The following ATP2B2 variants were observed in gnomAD, a reference collection of about 807,000 sequenced individuals.
ATP2B2 encodes plasma membrane calcium-transporting ATPase 2.
A neutral mutation model predicts 120.0 loss-of-function variants in ATP2B2; 15 were observed. The ratio of observed to expected loss-of-function variants is 0.12; its 90% CI spans 0.08 to 0.19. ATP2B2 has a LOEUF of 0.19. Ranked by LOEUF, ATP2B2 falls within the 10% of genes least tolerant of loss-of-function variation. The probability of loss-of-function intolerance (pLI) is 1.00; values close to 1 mark genes in which losing one functional copy is unlikely to be tolerated. For synonymous variants in ATP2B2, 694 were observed against 700.3 expected (o/e 0.99, Z 0.14); for missense variants, 1,045 against 1,719.8 (o/e 0.61, Z 6.94).
intron 1 of ATP2B2, among the ~76,000 whole-genome samples, chr3:10,454,038 T>C (rs12491986): frequency 0.24 from 36,493 of 149,330 alleles, 5,811 homozygotes; most frequent in Non-Finnish European, 0.35. Context: ...CATCTACCCA[T>C]CCACTCATCC....
intron 2 of ATP2B2, among the ~76,000 whole-genome samples, chr3:10,596,999 GCACACAGGCACACA>G (rs1445282844): frequency 7.0e-6 from 1 of 143,368 alleles, no homozygotes; most frequent in Non-Finnish European, 1.5e-5. Flanking sequence ...AGGTGCACAC[GCACACAGGCACACA>G]CGCACACAGG....
intron 2 of ATP2B2, chr3:10,566,324 G>C (rs1293186010): frequency 6.6e-6 from 1 of 152,206 alleles, no homozygotes; most frequent in Non-Finnish European, 1.5e-5. Context: ...ATTCAGTACA[G>C]GGCCTTTGTT....
chr3:10,406,616 T>C (rs1162600506), intron 3 of ATP2B2, among the ~76,000 whole-genome samples: 1 of 152,214 alleles, frequency 6.6e-6, no homozygotes, highest in Non-Finnish European at 1.5e-5. Context: ...CTGTGCCATC[T>C]AGGTATGTGT....
At chr3:10,411,635 T>C (rs1166696873) in intron 2 of ATP2B2, among the ~76,000 whole-genome samples, 3 of 152,164 alleles carry the variant, frequency 2.0e-5, no homozygotes, top group Non-Finnish European at 4.4e-5. Context: ...GTTGTGAATA[T>C]CACATGAGGT....
At chr3:10,652,894 A>G (rs6809325) in intron 1 of ATP2B2, among the ~76,000 whole-genome samples, 123,811 of 152,208 alleles carry the variant, frequency 0.81, 50,961 homozygotes, top group African/African-American at 0.95. Flanking sequence ...CAGCAGTCAA[A>G]GTCATAGGGA....
At chr3:10,359,014 G>A (rs770318655) in intron 13 of ATP2B2, 89 bp from the exon 14 acceptor site, 19 of 1,238,494 alleles carry the variant, frequency 1.5e-5, no homozygotes, top group Admixed American at 2.0e-5. Flanking sequence ...GTGATGCCCA[G>A]CTAGCTGTGG....
chr3:10,379,394 G>A lies in ATP2B2; in HGVS notation c.1001-110C>T, dbSNP rs186422530. ...TAATGTCACAGATGAAGGGCGGGCC[G>A]TGCTGACTGCATCCCTCTGTGTGGG... On this transcript the variant is annotated intron_variant, in intron 8 of 22. Coordinates refer to ENST00000360273, the MANE Select transcript of ATP2B2 (RefSeq NM_001001331.4). The A allele has an allele frequency of 4.0e-4, 490 of 1,226,550 alleles. 2 individuals are homozygous for A. The highest frequency in any genetic ancestry group is 8.5e-4 in the Admixed American group (47 of 55,434). The allele number at this position is 1,226,550 out of a possible 1,614,324, so 76.0% of individuals were successfully genotyped here.
rs545626298 is a variant in ATP2B2, at chr3:10,476,953, G to A, written c.-319-27091C>T. Reference sequence around the variant, plus strand: ...AGTACTCAGAGGCTCATCTGCTTGGGCATCTGCAGCTAGAGCATTCTAGAA... The same window carrying A: ...AGTACTCAGAGGCTCATCTGCTTGGACATCTGCAGCTAGAGCATTCTAGAA... On this transcript the variant is annotated intron_variant, in intron 1 of 22. Coordinates refer to ENST00000360273, the MANE Select transcript of ATP2B2 (RefSeq NM_001001331.4). 5.9e-5 allele frequency among the ~76,000 whole-genome samples: 9 copies of A among 152,306 alleles called. 1 individual carries two copies. In the East Asian group the frequency reaches 1.5e-3, roughly 26 times the overall value.
At chr3:10,398,644 C>T (rs2062121634) in intron 5 of ATP2B2, among the ~76,000 whole-genome samples, 1 of 152,234 alleles carries the variant, frequency 6.6e-6, no homozygotes, top group Non-Finnish European at 1.5e-5. Context: ...CAAGGGCCTG[C>T]AGGCCTCAGC....
chr3:10,578,953 G>C (rs1260177633), intron 2 of ATP2B2, among the ~76,000 whole-genome samples: 1 of 152,222 alleles, frequency 6.6e-6, no homozygotes, highest in African/African-American at 2.4e-5. Context: ...TGGGGAGGTG[G>C]CAACGTGCTA....
chr3:10,656,097 C>T lies in ATP2B2; in HGVS notation c.-459-36136G>A, dbSNP rs540938012. Among the ~76,000 whole-genome samples the T allele has an allele frequency of 6.4e-4, 98 of 152,194 alleles. 4 individuals are homozygous for T. In the South Asian group the frequency reaches 0.019, roughly 30 times the overall value. On this transcript the variant is annotated intron_variant, in intron 1 of 21. Coordinates refer to the ATP2B2 transcript ENST00000646379. ...TGGAGAAACTTGAATAGGTGTCTGACTTATTTCAGAGGCAGTGGGGATGGC... is the reference window on the plus strand; with the variant it reads ...TGGAGAAACTTGAATAGGTGTCTGATTTATTTCAGAGGCAGTGGGGATGGC...
chr3:10,354,047 G>A (rs567569125), intron 14 of ATP2B2, among the ~76,000 whole-genome samples: 1 of 152,230 alleles, frequency 6.6e-6, no homozygotes, highest in South Asian at 2.1e-4. Context: ...CTGCCTTCTT[G>A]CCCTGCTCAT....
intron 2 of ATP2B2, among the ~76,000 whole-genome samples, chr3:10,591,817 C>T (rs1213943491): frequency 6.6e-6 from 1 of 152,146 alleles, no homozygotes; most frequent in Admixed American, 6.6e-5. Flanking sequence ...TTAAGTAGTG[C>T]CATAGAAATC....
chr3:10,493,289 C>T (rs542973076), intron 1 of ATP2B2, among the ~76,000 whole-genome samples: 1 of 152,024 alleles, frequency 6.6e-6, no homozygotes, highest in African/African-American at 2.4e-5. Context: ...CAGGGATGGC[C>T]TTAATGAGGA....
intron 1 of ATP2B2, chr3:10,626,203 A>T (rs1233213755): frequency 6.6e-6 from 1 of 152,226 alleles, no homozygotes; most frequent in African/African-American, 2.4e-5. Flanking sequence ...GAGTCCCAGA[A>T]GAGAGAGGCA....
chr3:10,659,598 G>T (rs1159643605), intron 1 of ATP2B2, among the ~76,000 whole-genome samples: 2 of 152,142 alleles, frequency 1.3e-5, no homozygotes, highest in Non-Finnish European at 2.9e-5. Flanking sequence ...CATAAAGCAA[G>T]TCCTTAGAGA....
intron 2 of ATP2B2, among the ~76,000 whole-genome samples, chr3:10,560,660 T>C (rs986474771): frequency 2.0e-5 from 3 of 152,136 alleles, no homozygotes; most frequent in Non-Finnish European, 4.4e-5. Context: ...ACCACCTCCT[T>C]TGCCAGCTCG....
At chr3:10,421,541 C>T (rs192318429) in intron 2 of ATP2B2, among the ~76,000 whole-genome samples, 23 of 152,184 alleles carry the variant, frequency 1.5e-4, no homozygotes, top group East Asian at 1.4e-3. Context: ...AGCTGAGTGG[C>T]GAGAAAAAGG....
chr3:10,597,591 T>C (rs917666740), intron 2 of ATP2B2, among the ~76,000 whole-genome samples: 21 of 152,134 alleles, frequency 1.4e-4, no homozygotes, highest in African/African-American at 4.8e-4. Context: ...CTCACCCCTA[T>C]AGCCAGCTGT....
Sources: gnomAD v4.1 joint callset for allele counts (sites outside exome capture counted in the v4.1 genomes callset) on GRCh38, gnomAD v4.1.1 for gene constraint, MANE v1.5 for transcripts, NCBI Gene and HGNC (gene_info 2026-07-23, HGNC 2026-07-21) for gene names.